SYNPR: variants seen among roughly 807,000 people sequenced by gnomAD.
The protein encoded by SYNPR is synaptoporin.
Under a neutral mutation model 32.9 loss-of-function variants are expected in SYNPR, and 23 were observed. The observed-to-expected ratio is 0.70, with a 90% CI of 0.50 to 0.99. SYNPR has a LOEUF of 0.99. Ranked by LOEUF, SYNPR falls within the 50% of genes least tolerant of loss-of-function variation. SYNPR has a pLI of 0.00. For synonymous variants in SYNPR, 146 were observed against 135.9 expected, an observed-to-expected ratio of 1.07 and a Z score of -0.52; for missense variants, 318 against 349.3, an observed-to-expected ratio of 0.91 and a Z score of 0.71.
At chr3:63,407,442 A>G (rs866136024) in intron 2 of SYNPR, among the ~76,000 whole-genome samples, 3 of 152,170 alleles carry the variant, frequency 2.0e-5, no homozygotes, top group South Asian at 4.1e-4. Flanking sequence ...AAATCATCCT[A>G]GCTTCCTGTT....
At position 63,609,270 on chromosome 3, in the gene SYNPR, G is replaced by T. The variant is rs1205433797; in HGVS notation, c.554G>T (p.Cys185Phe). The T allele has an allele frequency of 6.2e-7, 1 of 1,603,870 alleles. No individual in the cohort carries two copies. Among genetic ancestry groups the T allele is most frequent in the Admixed American group, 1.7e-5 (1 of 58,524 alleles). The change falls in exon 5 of 6, where the codon TGC becomes TTC. Residue 185 changes from cysteine (C) to phenylalanine (F), a missense_variant. Cys to Phe is a radical substitution (Grantham distance 205). Transcript: ENST00000478300. ...GCTTGCAAACAGCCATCCAACAAAT[G>T]CATGGCTATCCACAGCCCTGTTATG... is the stretch of plus-strand genomic sequence containing the variant. The part of the protein sequence containing the change: ...MSACKQPSNK[C>F]MAIHSPVMSS...
chr3:63,249,006 G>A (rs1575575465), intron 1 of SYNPR, among the ~76,000 whole-genome samples: 1 of 152,060 alleles, frequency 6.6e-6, no homozygotes, highest in East Asian at 1.9e-4. Context: ...GTCAAATGAA[G>A]GAGAAACTGG....
chr3:63,498,802 G>C (rs1701422633), intron 3 of SYNPR, among the ~76,000 whole-genome samples: 1 of 151,776 alleles, frequency 6.6e-6, no homozygotes. Context: ...TAGATGAAAG[G>C]GGCATCTTTT....
chr3:63,577,785 G>A (rs1169589045), intron 4 of SYNPR, among the ~76,000 whole-genome samples: 1 of 152,114 alleles, frequency 6.6e-6, no homozygotes, highest in East Asian at 1.9e-4. Context: ...CCTCAAAAAA[G>A]TACGTGTTTC....
chr3:63,589,673 T>A (rs1220115837), intron 4 of SYNPR, among the ~76,000 whole-genome samples: 2 of 150,734 alleles, frequency 1.3e-5, no homozygotes, highest in South Asian at 2.1e-4. Flanking sequence ...ATAAATGTAA[T>A]CCAGCATATA....
At chr3:63,614,677 T>G (rs1439719896) in intron 5 of SYNPR, among the ~76,000 whole-genome samples, 1 of 152,222 alleles carries the variant, frequency 6.6e-6, no homozygotes, top group Non-Finnish European at 1.5e-5. Context: ...TGACTCACTT[T>G]CTTTATATGA....
At chr3:63,240,728 T>C (rs2086235182) in intron 1 of SYNPR, among the ~76,000 whole-genome samples, 1 of 152,146 alleles carries the variant, frequency 6.6e-6, no homozygotes, top group Non-Finnish European at 1.5e-5. Context: ...GCTGGAGTCA[T>C]TGCCAGTTAC....
chr3:63,323,015 G>C (rs1203417816), intron 2 of SYNPR, among the ~76,000 whole-genome samples: 1 of 152,044 alleles, frequency 6.6e-6, no homozygotes, highest in Non-Finnish European at 1.5e-5. Flanking sequence ...CATGATAAGA[G>C]TAGAAGATAA....
At chr3:63,271,540 G>C (rs1286998065) in intron 3 of SYNPR, among the ~76,000 whole-genome samples, 2 of 151,950 alleles carry the variant, frequency 1.3e-5, no homozygotes, top group Non-Finnish European at 2.9e-5. Flanking sequence ...AGTATACTTT[G>C]GATTACATAC....
intron 3 of SYNPR, among the ~76,000 whole-genome samples, chr3:63,529,392 T>C (rs1702071702): frequency 6.6e-6 from 1 of 152,224 alleles, no homozygotes; most frequent in Non-Finnish European, 1.5e-5. Context: ...GGGGTGGGTG[T>C]TTCTGAATAT....
At chr3:63,459,800 G>C (rs1700547845) in intron 2 of SYNPR, among the ~76,000 whole-genome samples, 1 of 151,996 alleles carries the variant, frequency 6.6e-6, no homozygotes, top group South Asian at 2.1e-4. Context: ...CACAGACTCT[G>C]TAGTCTCTTA....
rs1559550612 is a variant in SYNPR at position 63,609,316 on chromosome 3, GGT to G, written c.600+1_600+2del. 2 of 1,557,194 alleles carry G rather than the reference GGT, an allele frequency of 1.3e-6. No individual in the cohort carries two copies. The highest frequency in any genetic ancestry group is 2.0e-5 in the Admixed American group (1 of 50,844). Reference sequence around the variant, plus strand: ...TTATGTCAAGCTTAAACACTTCTGTGGTAAGTATTTTTCATCTATGCTTTACT... The same window carrying G: ...TTATGTCAAGCTTAAACACTTCTGTGAAGTATTTTTCATCTATGCTTTACT... On this transcript the variant is annotated splice_donor_variant, in intron 5 of 5. Transcript: ENST00000478300. LOFTEE classifies it high-confidence loss of function.
intron 4 of SYNPR, among the ~76,000 whole-genome samples, chr3:63,562,652 A>G (rs545067365): frequency 1.3e-5 from 2 of 152,348 alleles, no homozygotes; most frequent in African/African-American, 4.8e-5. Flanking sequence ...GACGTAGTGC[A>G]ATGAGAATTA....
intron 2 of SYNPR, among the ~76,000 whole-genome samples, chr3:63,314,375 A>G (rs1035353386): frequency 6.6e-6 from 1 of 151,628 alleles, no homozygotes; most frequent in Admixed American, 6.6e-5. Flanking sequence ...CCATGCCAAC[A>G]TCTACTGTTT....
chr3:63,600,196 C>T (rs1458408495), intron 4 of SYNPR, among the ~76,000 whole-genome samples: 1 of 152,208 alleles, frequency 6.6e-6, no homozygotes, highest in African/African-American at 2.4e-5. Flanking sequence ...TTGGTAAGCA[C>T]TTAGCAGAGT....
intron 2 of SYNPR, among the ~76,000 whole-genome samples, chr3:63,410,627 A>C (rs2088450855): frequency 6.6e-6 from 1 of 152,162 alleles, no homozygotes; most frequent in Non-Finnish European, 1.5e-5. Flanking sequence ...TTATGTTTGC[A>C]GAATTTTTCC....
chr3:63,542,002 C>T (rs779783265), intron 3 of SYNPR, among the ~76,000 whole-genome samples: 1 of 152,014 alleles, frequency 6.6e-6, no homozygotes, highest in African/African-American at 2.4e-5. Context: ...GATGCTTATT[C>T]CAAATAAAAG....
At chr3:63,499,494 T>G (rs1701437524) in intron 3 of SYNPR, among the ~76,000 whole-genome samples, 1 of 151,992 alleles carries the variant, frequency 6.6e-6, no homozygotes, top group Non-Finnish European at 1.5e-5. Context: ...TTCACATCAT[T>G]GATGAGGTAC....
At chr3:63,267,449 G>A (rs2086499662) in exon 3 of SYNPR, 1 of 152,212 alleles carries the variant, frequency 6.6e-6, no homozygotes, top group Non-Finnish European at 1.5e-5. Context: ...AAGAGGGGCA[G>A]GTAAGTGGTC....
Sources: allele counts gnomAD v4.1 joint callset (sites outside exome capture counted in the v4.1 genomes callset), GRCh38; gene constraint gnomAD v4.1.1; transcripts MANE v1.5; gene names NCBI Gene and HGNC (gene_info 2026-07-23, HGNC 2026-07-21).